Variants in ZNF518A observed in about 807,000 individuals in gnomAD.
ZNF518A encodes zinc finger protein 518A.
A neutral mutation model predicts 102.7 loss-of-function variants in ZNF518A; 47 were observed. The ratio of observed to expected loss-of-function variants is 0.46; its 90% CI spans 0.36 to 0.58. The LOEUF (loss-of-function observed/expected upper bound fraction) is 0.58, where lower values mean the gene tolerates loss of function less well. Among genes scored for constraint, ZNF518A ranks in the 20% least tolerant of loss-of-function variants. ZNF518A has a pLI of 0.00. For synonymous variants in ZNF518A, 652 were observed against 594.6 expected (o/e 1.10, Z -1.40); for missense variants, 1,793 against 1,699.8 (o/e 1.05, Z -0.96).
chr10:96,139,999 C>T (rs1290218150), intron 3 of ZNF518A, among the ~76,000 whole-genome samples: 1 of 152,092 alleles, frequency 6.6e-6, no homozygotes, highest in East Asian at 1.9e-4. Context: ...GCCGGGATTA[C>T]AGGCATGCAC....
Position 96,160,703 on chromosome 10 carries a change from C to G in ZNF518A, c.4381C>G (p.Gln1461Glu). Reference protein sequence around the residue: ...CWFCGRVFDNQDTWAGHGQRH... With the variant: ...CWFCGRVFDNEDTWAGHGQRH... ...GTTTTGTGGTAGAGTATTTGACAATCAGGATACTTGGGCTGGTCATGGGCA... is the reference window on the plus strand; with the variant it reads ...GTTTTGTGGTAGAGTATTTGACAATGAGGATACTTGGGCTGGTCATGGGCA... Residue 1461 changes from glutamine (Q) to glutamate (E), a missense_variant, in exon 6 of 6, where the codon CAG becomes GAG. Physicochemically the swap from Gln to Glu is conservative, Grantham distance 29. Coordinates refer to ENST00000316045, the MANE Select transcript of ZNF518A (RefSeq NM_001330736.2). 6.2e-7 allele frequency: 1 copy of G among 1,612,430 alleles called. No homozygotes were observed. The highest frequency in any genetic ancestry group is 8.5e-7 in the Non-Finnish European group (1 of 1,179,182).
chr10:96,183,585 C>T (rs2083252806), intron 1 of ZNF518A, among the ~76,000 whole-genome samples: 1 of 152,214 alleles, frequency 6.6e-6, no homozygotes, highest in Non-Finnish European at 1.5e-5. Context: ...AGTGGTCATT[C>T]AGGAGCAGGT....
chr10:96,203,508 CA>C (rs1242833123), intron 1 of ZNF518A: 1 of 151,986 alleles, frequency 6.6e-6, no homozygotes, highest in Non-Finnish European at 1.5e-5. Context: ...CATTGAGTTG[CA>C]GGCAAATTAA....
intron 1 of ZNF518A, 73 bp from the exon 2 acceptor site, chr10:96,132,513 C>T (rs113072520): frequency 6.8e-6 from 1 of 147,076 alleles, no homozygotes; most frequent in South Asian, 2.1e-4. Context: ...CTTTATACAC[C>T]TAAGTTGAAT....
chr10:96,192,184 A>G (rs1204486462), intron 1 of ZNF518A: 3 of 1,536,788 alleles, frequency 2.0e-6, no homozygotes, highest in Non-Finnish European at 2.7e-6. Context: ...TCAAGTTAGT[A>G]AAAGTTATTA....
At chr10:96,154,877 T>C (rs1353006555) in intron 3 of ZNF518A, among the ~76,000 whole-genome samples, 2 of 152,208 alleles carry the variant, frequency 1.3e-5, no homozygotes, top group Non-Finnish European at 2.9e-5. Flanking sequence ...GATCTCTTAA[T>C]ATGTAATTCA....
chr10:96,162,274 A>G lies in ZNF518A; in HGVS notation c.*1500A>G, dbSNP rs2133859785. The G allele has an allele frequency of 6.0e-6, 1 of 166,994 alleles. No homozygotes were observed. Among genetic ancestry groups the G allele is most frequent in the Middle Eastern group, 3.4e-3 (1 of 296 alleles). The allele number at this position is 166,994 out of a possible 1,614,324, so 10.3% of individuals were successfully genotyped here. A position where few individuals can be genotyped will look rare whatever the true frequency, so the allele number is the denominator to read the frequency against. On this transcript the variant is annotated 3_prime_UTR_variant, in exon 6 of 6. Coordinates refer to ENST00000316045, the MANE Select transcript of ZNF518A (RefSeq NM_001330736.2). ...ACTAATAAAACTGGTTGTTTAATTT[A>G]AAAGGAATATATAAGACTTTACCCA...
In ZNF518A at chr10:96,157,321, T is replaced by C. The variant is rs587721231; in HGVS notation, c.999T>C (p.Ile333=). 6.4e-5 allele frequency: 103 copies of C among 1,611,614 alleles called. No homozygotes were observed. The highest frequency in any genetic ancestry group is 8.6e-5 in the Non-Finnish European group (101 of 1,178,752). Residue 333 remains isoleucine, a synonymous_variant, in exon 6 of 6, where the codon ATT becomes ATC. Transcript: ENST00000316045. ...SRKTFWKRKK[I]NSGSDRSIEK... ...AGACGTTCTGGAAACGTAAGAAAATTAACAGTGGAAGTGACAGAAGTATAG... is the reference window on the plus strand; with the variant it reads ...AGACGTTCTGGAAACGTAAGAAAATCAACAGTGGAAGTGACAGAAGTATAG...
At chr10:96,148,121 A>G (rs1554879140) in intron 3 of ZNF518A, among the ~76,000 whole-genome samples, 2 of 151,730 alleles carry the variant, frequency 1.3e-5, no homozygotes, top group African/African-American at 4.8e-5. Flanking sequence ...TATTTCTTAT[A>G]TCCCTAGAAA....
chr10:96,190,864 T>C (rs1310721616), intron 1 of ZNF518A, among the ~76,000 whole-genome samples: 1 of 152,222 alleles, frequency 6.6e-6, no homozygotes, highest in Non-Finnish European at 1.5e-5. Context: ...ATGTCTGCTT[T>C]TCTGCTCTTG....
chr10:96,193,384 A>G (rs2083376470), intron 1 of ZNF518A, among the ~76,000 whole-genome samples: 1 of 152,238 alleles, frequency 6.6e-6, no homozygotes. Context: ...TCCTGAACCT[A>G]GGAAGCATAG....
At chr10:96,190,023 ATTCATTGCCTCTGC>A (rs1181695922) in intron 1 of ZNF518A, 4 of 807,946 alleles carry the variant, frequency 5.0e-6, no homozygotes, top group Non-Finnish European at 6.5e-6. Flanking sequence ...TGCCTTCATA[ATTCATTGCCTCTGC>A]TTCAACAATG....
intron 1 of ZNF518A, among the ~76,000 whole-genome samples, chr10:96,187,718 C>A (rs2083280839): frequency 6.6e-6 from 1 of 152,228 alleles, no homozygotes; most frequent in South Asian, 2.1e-4. Flanking sequence ...CCTTCTTCAG[C>A]TGCTACACAT....
chr10:96,168,174 G>A (rs1303551941), downstream of ZNF518A, among the ~76,000 whole-genome samples: 1 of 152,186 alleles, frequency 6.6e-6, no homozygotes, highest in Non-Finnish European at 1.5e-5. Context: ...CCATGCACAA[G>A]GGCAATGTGC....
chr10:96,192,077 C>G (rs2083340210), intron 1 of ZNF518A: 1 of 1,613,658 alleles, frequency 6.2e-7, no homozygotes, highest in African/African-American at 1.3e-5. Flanking sequence ...ATGATTTCAG[C>G]AACACTTCCA....
chr10:96,142,308 GTGTGTGTGT>G (rs370632225), intron 3 of ZNF518A, among the ~76,000 whole-genome samples: 1,846 of 94,232 alleles, frequency 0.02, 26 homozygotes, highest in South Asian at 0.043. Flanking sequence ...TTCTTAGGGT[GTGTGTGTGT>G]GTGTGTGTGT....
At chr10:96,167,597 A>G (rs587621050), downstream of ZNF518A, among the ~76,000 whole-genome samples, 189 of 152,324 alleles carry the variant, frequency 1.2e-3, no homozygotes, top group Non-Finnish European at 2.1e-3. Context: ...GAAAAGTACA[A>G]TAACTACAAT....
intron 1 of ZNF518A, among the ~76,000 whole-genome samples, chr10:96,184,717 C>G (rs2083260826): frequency 6.6e-6 from 1 of 151,922 alleles, no homozygotes; most frequent in Non-Finnish European, 1.5e-5. Context: ...CGACCTTTCT[C>G]TCTGGCTGCC....
chr10:96,171,122 T>C (rs2083170909), intron 1 of ZNF518A, among the ~76,000 whole-genome samples: 1 of 152,002 alleles, frequency 6.6e-6, no homozygotes, highest in Admixed American at 6.6e-5. Flanking sequence ...TGGAAAACAG[T>C]ATGGGACTTC....
Sources: gnomAD v4.1 joint callset for allele counts (sites outside exome capture counted in the v4.1 genomes callset) on GRCh38, gnomAD v4.1.1 for gene constraint, MANE v1.5 for transcripts, NCBI Gene and HGNC (gene_info 2026-07-23, HGNC 2026-07-21) for gene names.